Variants in NR6A1 observed in about 807,000 individuals in gnomAD.
The protein encoded by NR6A1 is nuclear receptor subfamily 6 group A member 1, also known as retinoic acid receptor-related testis-associated receptor.
NR6A1 carries 7 observed loss-of-function variants against 59.1 expected under a neutral mutation model. The ratio of observed to expected loss-of-function variants is 0.12; its 90% CI spans 0.07 to 0.22. NR6A1 has a LOEUF of 0.22. Among genes scored for constraint, NR6A1 ranks in the 10% least tolerant of loss-of-function variants. The pLI is 1.00. For missense variants in NR6A1, 468 were observed against 611.6 expected, an observed-to-expected ratio of 0.77 and a Z score of 2.48; for synonymous variants, 243 against 236.1, an observed-to-expected ratio of 1.03 and a Z score of -0.27.
At chr9:124,761,986 T>C (rs1840795707) in intron 1 of NR6A1, among the ~76,000 whole-genome samples, 1 of 152,204 alleles carries the variant, frequency 6.6e-6, no homozygotes, top group Non-Finnish European at 1.5e-5. Context: ...AAACTTAAAA[T>C]GATATGAACT....
chr9:124,735,278 T>A (rs751475290), intron 1 of NR6A1, among the ~76,000 whole-genome samples: 2 of 152,158 alleles, frequency 1.3e-5, no homozygotes, highest in Non-Finnish European at 2.9e-5. Context: ...AGTTCCAATA[T>A]CACAACAATG....
intron 2 of NR6A1, among the ~76,000 whole-genome samples, chr9:124,569,422 A>C (rs946403347): frequency 2.0e-5 from 3 of 152,360 alleles, no homozygotes; most frequent in African/African-American, 7.2e-5. Flanking sequence ...TACGCAAATT[A>C]CATTTGGAAA....
chr9:124,581,766 G>T (rs1036764938), intron 2 of NR6A1, among the ~76,000 whole-genome samples: 1 of 151,966 alleles, frequency 6.6e-6, no homozygotes, highest in Non-Finnish European at 1.5e-5. Context: ...GTGGGCCGAG[G>T]ATATGAACAG....
intron 2 of NR6A1, among the ~76,000 whole-genome samples, chr9:124,561,307 C>T (rs1484307178): frequency 1.3e-5 from 2 of 151,762 alleles, no homozygotes; most frequent in African/African-American, 2.4e-5. Flanking sequence ...CGTGGTGGTG[C>T]GCCTATAGTC....
chr9:124,672,341 A>G (rs1159113576), intron 2 of NR6A1, among the ~76,000 whole-genome samples: 1 of 152,086 alleles, frequency 6.6e-6, no homozygotes, highest in East Asian at 1.9e-4. Context: ...GCTTGGCTGG[A>G]CACAGTGGCT....
intron 7 of NR6A1, among the ~76,000 whole-genome samples, chr9:124,528,340 C>T (rs1443958822): frequency 1.3e-5 from 2 of 152,130 alleles, no homozygotes; most frequent in African/African-American, 4.8e-5. Context: ...CTCTGGGTTC[C>T]ACCAACTCCA....
chr9:124,527,483 G>A (rs1487246958), intron 7 of NR6A1, among the ~76,000 whole-genome samples: 1 of 152,212 alleles, frequency 6.6e-6, no homozygotes, highest in Non-Finnish European at 1.5e-5. Flanking sequence ...AACGTTAACT[G>A]AGTTTCCATA....
intron 2 of NR6A1, among the ~76,000 whole-genome samples, chr9:124,591,294 A>C (rs1014595557): frequency 1.3e-5 from 2 of 152,190 alleles, no homozygotes; most frequent in African/African-American, 4.8e-5. Context: ...TTCTTATTTA[A>C]TTCCCATAGC....
chr9:124,739,562 C>T (rs1840117923), intron 1 of NR6A1, among the ~76,000 whole-genome samples: 1 of 152,214 alleles, frequency 6.6e-6, no homozygotes, highest in Non-Finnish European at 1.5e-5. Context: ...CCAAGCAACC[C>T]TCCTACTTCA....
chr9:124,697,488 T>C (rs1055180971), intron 2 of NR6A1, among the ~76,000 whole-genome samples: 1 of 152,230 alleles, frequency 6.6e-6, no homozygotes, highest in Admixed American at 6.5e-5. Flanking sequence ...AAGTGATGTA[T>C]AAGTAAAGAC....
chr9:124,651,005 C>A (rs1837085101), intron 2 of NR6A1, among the ~76,000 whole-genome samples: 1 of 152,150 alleles, frequency 6.6e-6, no homozygotes, highest in African/African-American at 2.4e-5. Context: ...AAAGAAAGGA[C>A]TTTGGAGACC....
chr9:124,618,041 C>T (rs1233264984), intron 2 of NR6A1, among the ~76,000 whole-genome samples: 1 of 152,208 alleles, frequency 6.6e-6, no homozygotes, highest in Non-Finnish European at 1.5e-5. Context: ...CTGCTGGCCT[C>T]ATTTTGGCAG....
intron 2 of NR6A1, among the ~76,000 whole-genome samples, chr9:124,607,611 G>A (rs529353597): frequency 6.6e-6 from 1 of 152,188 alleles, no homozygotes; most frequent in Admixed American, 6.5e-5. Context: ...CTATAAAATA[G>A]GTTGTTAGCA....
chr9:124,721,455 C>G (rs978900135), intron 2 of NR6A1, among the ~76,000 whole-genome samples: 4 of 152,162 alleles, frequency 2.6e-5, no homozygotes, highest in African/African-American at 9.7e-5. Flanking sequence ...TCAACTGAAG[C>G]TTTGGAAGCA....
At chr9:124,599,349 G>C (rs974092141) in intron 2 of NR6A1, 123 of 358,620 alleles carry the variant, frequency 3.4e-4, no homozygotes, top group African/African-American at 2.6e-3. Context: ...AACCCGGGAG[G>C]CGGAGGTTGC....
chr9:124,621,714 AT>A (rs1012609835), intron 2 of NR6A1, among the ~76,000 whole-genome samples: 4 of 152,162 alleles, frequency 2.6e-5, no homozygotes, highest in Non-Finnish European at 4.4e-5. Flanking sequence ...ATAATAGCAA[AT>A]TTTTTAAAAG....
chr9:124,525,003 T>G (rs1272563279), intron 8 of NR6A1, 130 bp from the exon 9 acceptor site: 2 of 1,058,250 alleles, frequency 1.9e-6, no homozygotes, highest in African/African-American at 3.3e-5. Context: ...CAACAGGAGA[T>G]CTCCTCTGAT....
In NR6A1 at chr9:124,584,400, A is replaced by G. The variant is rs1056037676; in HGVS notation, c.143-29830T>C. Among the ~76,000 whole-genome samples, 3 of 151,990 alleles carry G rather than the reference A, an allele frequency of 2.0e-5. No homozygotes were observed. The East Asian group carries it at 5.8e-4, about 29-fold the overall frequency. On this transcript the variant is annotated intron_variant, in intron 2 of 9. Coordinates refer to ENST00000487099, the MANE Select transcript of NR6A1 (RefSeq NM_033334.4). ...GATTACAGTGTGAGCCACCGCGCCC[A>G]GCCACTTTATTGCATTTTTTACAAA...
intron 2 of NR6A1, among the ~76,000 whole-genome samples, chr9:124,621,143 A>G (rs956473984): frequency 6.6e-6 from 1 of 152,230 alleles, no homozygotes; most frequent in African/African-American, 2.4e-5. Flanking sequence ...AGTGATGACC[A>G]GGGGCTTTGC....
Sources: gnomAD v4.1 joint callset for allele counts (sites outside exome capture counted in the v4.1 genomes callset) on GRCh38, gnomAD v4.1.1 for gene constraint, MANE v1.5 for transcripts, NCBI Gene and HGNC (gene_info 2026-07-23, HGNC 2026-07-21) for gene names.